The following IL16 variants were observed in gnomAD, a reference collection of about 807,000 sequenced individuals.
IL16 encodes interleukin 16.
A neutral mutation model predicts 110.1 loss-of-function variants in IL16; 67 were observed. That is an observed-to-expected ratio of 0.61 (90% CI 0.50 to 0.75). The LOEUF (loss-of-function observed/expected upper bound fraction) is 0.75, where lower values mean the gene tolerates loss of function less well. Among genes scored for constraint, IL16 ranks in the 30% least tolerant of loss-of-function variants. The probability of loss-of-function intolerance (pLI) is 0.00; values close to 1 mark genes in which losing one functional copy is unlikely to be tolerated. For missense variants in IL16, 1,545 were observed against 1,655.0 expected (o/e 0.93, Z 1.15); for synonymous variants, 689 against 662.9 (o/e 1.04, Z -0.61).
At position 81,300,278 on chromosome 15, in the gene IL16, C is replaced by T. The variant is rs763891503; in HGVS notation, c.2952C>T (p.Thr984=). The change falls in exon 14 of 19, where the codon ACC becomes ACT. Residue 984 remains threonine, a synonymous_variant. Coordinates refer to ENST00000683961, the MANE Select transcript of IL16 (RefSeq NM_172217.5). ...AGACGAAGCTACTTGACGAAAAGACCAGCAAACTCTATTCTATCAGCAGCC... is the reference window on the plus strand; with the variant it reads ...AGACGAAGCTACTTGACGAAAAGACTAGCAAACTCTATTCTATCAGCAGCC... ...SCETKLLDEK[T]SKLYSISSQV... 5 of 1,614,214 alleles carry T rather than the reference C, an allele frequency of 3.1e-6. No homozygotes were observed. Among genetic ancestry groups the T allele is most frequent in the Non-Finnish European group, 4.2e-6 (5 of 1,180,042 alleles).
chr15:81,307,881 G>A lies in IL16; in HGVS notation c.3806-724G>A, dbSNP rs7166985. Among the ~76,000 whole-genome samples, 308 of 152,268 alleles carry A rather than the reference G, an allele frequency of 2.0e-3. 1 individual carries two copies. Among genetic ancestry groups the A allele is most frequent in the African/African-American group, 7.2e-3 (298 of 41,544 alleles). On this transcript the variant is annotated intron_variant, in intron 18 of 18. Transcript: ENST00000683961. ...ATAATACACCCCTCATAGGATTACT[G>A]TCATAAATGCAAAACATTAGCACAA...
At chr15:81,211,476 T>C (rs532898404) in intron 1 of IL16, among the ~76,000 whole-genome samples, 2 of 152,320 alleles carry the variant, frequency 1.3e-5, no homozygotes, top group East Asian at 3.9e-4. Flanking sequence ...GGTGTCAAAA[T>C]CCTGACCTCA....
intron 10 of IL16, among the ~76,000 whole-genome samples, chr15:81,289,181 C>G (rs1899593835): frequency 6.6e-6 from 1 of 152,158 alleles, no homozygotes. Flanking sequence ...GAGTCTCACT[C>G]TGTCACCCAG....
At chr15:81,232,818 T>A (rs1327752230) in intron 2 of IL16, among the ~76,000 whole-genome samples, 2 of 152,192 alleles carry the variant, frequency 1.3e-5, no homozygotes, top group African/African-American at 4.8e-5. Flanking sequence ...AACCTAAAAC[T>A]TTCCTTTCTG....
chr15:81,194,703 G>T (rs895773683), upstream of IL16, among the ~76,000 whole-genome samples: 1 of 152,118 alleles, frequency 6.6e-6, no homozygotes, highest in Admixed American at 6.6e-5. Flanking sequence ...GGGCTGGAAG[G>T]GCCAAAAAGG....
At chr15:81,250,760 C>A (rs1490034994) in intron 2 of IL16, among the ~76,000 whole-genome samples, 5 of 152,198 alleles carry the variant, frequency 3.3e-5, no homozygotes, top group Non-Finnish European at 7.3e-5. Flanking sequence ...GATTATTCCT[C>A]TGGGGGGAAG....
chr15:81,192,595 A>G (rs1007712268), upstream of IL16, among the ~76,000 whole-genome samples: 29 of 152,316 alleles, frequency 1.9e-4, no homozygotes, highest in Admixed American at 1.6e-3. Flanking sequence ...GCCACAGAGC[A>G]AGATGCTGTC....
chr15:81,225,786 A>G, intron 2 of IL16, 75 bp downstream of exon 2: 1 of 1,287,838 alleles, frequency 7.8e-7, no homozygotes, highest in Non-Finnish European at 1.1e-6. Context: ...CTTTGAATCC[A>G]TTTATTCAAA....
intron 1 of IL16, among the ~76,000 whole-genome samples, chr15:81,186,182 G>A (rs910705095): frequency 2.0e-5 from 3 of 152,214 alleles, no homozygotes; most frequent in African/African-American, 7.2e-5. Context: ...AGTGCTTTCA[G>A]CACCAGGCAT....
chr15:81,188,331 T>C, intron 1 of IL16: 1 of 456,358 alleles, frequency 2.2e-6, no homozygotes, highest in Non-Finnish European at 4.4e-6. Context: ...TGCACACTGC[T>C]GTTCTTTTCT....
chr15:81,273,110 T>C lies in IL16; in HGVS notation c.696T>C (p.Val232=). ...CCCAGGGTCTGGGCTTCAGCATCGT[T>C]GGGGGAAAAGACAGCATTTATGGCC... is the stretch of plus-strand genomic sequence containing the variant. ...GQAKGLGFSI[V]GGKDSIYGPI... The change falls in exon 6 of 19, where the codon GTT becomes GTC. Residue 232 remains valine, a synonymous_variant. Transcript: ENST00000683961. 1.2e-6 allele frequency: 2 copies of C among 1,613,024 alleles called. No homozygotes were observed. The highest frequency in any genetic ancestry group is 1.7e-6 in the Non-Finnish European group (2 of 1,179,386).
At chr15:81,279,024 C>T (rs747519589) in intron 7 of IL16, 134 bp downstream of exon 7, 31 of 679,824 alleles carry the variant, frequency 4.6e-5, no homozygotes, top group Admixed American at 9.3e-5. Flanking sequence ...CTGATCTTGG[C>T]GCAGGGTTAA....
intron 1 of IL16, among the ~76,000 whole-genome samples, chr15:81,189,615 T>C (rs562397313): frequency 9.2e-5 from 14 of 151,938 alleles, no homozygotes; most frequent in African/African-American, 3.4e-4. Flanking sequence ...TGGGAGGGGG[T>C]GTCAGGGAAG....
rs752506136 is a variant in IL16 at position 81,300,193 on chromosome 15, T to C, written c.2867T>C (p.Val956Ala). ...CAGGCTGAGGAATCTCAAGGCCCAG[T>C]GCTCAAGATGCCTAGCCAGCGAGCA... The part of the protein sequence containing the change: ...STQAEESQGP[V>A]LKMPSQRARS... The change falls in exon 14 of 19, where the codon GTG (valine) becomes GCG (alanine). Residue 956 changes from valine to alanine, a missense_variant. Val to Ala is a moderately conservative substitution (Grantham distance 64, BLOSUM62 0). Coordinates refer to ENST00000683961, the MANE Select transcript of IL16 (RefSeq NM_172217.5). 4.3e-6 allele frequency: 7 copies of C among 1,614,238 alleles called. No individual in the cohort carries two copies. Among genetic ancestry groups the C allele is most frequent in the Non-Finnish European group, 5.9e-6 (7 of 1,180,048 alleles).
upstream of IL16, among the ~76,000 whole-genome samples, chr15:81,193,799 C>T (rs567842852): frequency 5.9e-5 from 9 of 152,058 alleles, no homozygotes; most frequent in African/African-American, 1.9e-4. Flanking sequence ...TAAGTGGGGA[C>T]GTACAATAAA....
chr15:81,227,437 C>T (rs772637456), intron 2 of IL16, among the ~76,000 whole-genome samples: 2 of 152,080 alleles, frequency 1.3e-5, no homozygotes, highest in Non-Finnish European at 2.9e-5. Flanking sequence ...GGGTGCATCA[C>T]GTGCCCACCT....
intron 2 of IL16, among the ~76,000 whole-genome samples, chr15:81,238,111 CCAGGCTGGT>C (rs557107384): frequency 9.7e-4 from 148 of 152,194 alleles, no homozygotes; most frequent in African/African-American, 3.5e-3. Context: ...ACCATCTTGG[CCAGGCTGGT>C]CTTGAACTCC....
chr15:81,203,560 A>G (rs991055383), intron 1 of IL16, among the ~76,000 whole-genome samples: 6 of 151,860 alleles, frequency 4.0e-5, no homozygotes, highest in Non-Finnish European at 7.4e-5. Flanking sequence ...TTTTCCCAGC[A>G]CCATTTATTA....
Position 81,301,397 on chromosome 15 carries a change from A to G in IL16, c.3203A>G (p.Asp1068Gly). The change falls in exon 15 of 19, where the codon GAT becomes GGT. Residue 1068 changes from aspartate to glycine, a missense_variant. Physicochemically the swap from Asp to Gly is moderately conservative, Grantham distance 94. This residue lies in a region of IL16 where 356 missense variants were observed against 399.3 expected (regional missense o/e 0.89). Transcript: ENST00000683961. ...TEGLTEAKED[D>G]DGDHSSLQSG... ...GGTCTCACGGAAGCCAAGGAAGACG[A>G]TGATGGGGACCACAGTTCCCTTCAG... is the stretch of plus-strand genomic sequence containing the variant. The G allele has an allele frequency of 6.2e-7, 1 of 1,614,074 alleles. No individual in the cohort carries two copies. The highest frequency in any genetic ancestry group is 8.5e-7 in the Non-Finnish European group (1 of 1,179,966).
Sources: gnomAD v4.1 joint callset for allele counts (sites outside exome capture counted in the v4.1 genomes callset) on GRCh38, gnomAD v4.1.1 for gene constraint, gnomAD v4.1.1 regional missense constraint, MANE v1.5 for transcripts, NCBI Gene and HGNC (gene_info 2026-07-23, HGNC 2026-07-21) for gene names.